The following INPP4B variants were observed in gnomAD, a reference collection of about 807,000 sequenced individuals.
INPP4B encodes the protein inositol polyphosphate 4-phosphatase type II.
In INPP4B, 55 loss-of-function variants were observed where a neutral mutation model predicts 122.5. That is an observed-to-expected ratio of 0.45 (90% CI 0.36 to 0.56). INPP4B has a LOEUF of 0.56. Ranked by LOEUF, INPP4B falls within the 20% of genes least tolerant of loss-of-function variation. The pLI is 0.00. For synonymous variants in INPP4B, 403 were observed against 388.7 expected (o/e 1.04, Z -0.43); for missense variants, 1,000 against 1,097.7 (o/e 0.91, Z 1.26).
intron 7 of INPP4B, among the ~76,000 whole-genome samples, chr4:142,343,412 G>T (rs1181351592): frequency 6.6e-6 from 1 of 151,576 alleles, no homozygotes; most frequent in Non-Finnish European, 1.5e-5. Flanking sequence ...TAGATATAGG[G>T]CATTTATCTA....
intron 11 of INPP4B, among the ~76,000 whole-genome samples, chr4:142,251,499 G>C (rs546337872): frequency 4.6e-5 from 7 of 152,284 alleles, no homozygotes; most frequent in Admixed American, 3.9e-4. Context: ...TAATAACTCA[G>C]ATGCTTTTAG....
chr4:142,687,889 T>C (rs550960724), intron 2 of INPP4B, among the ~76,000 whole-genome samples: 2 of 152,236 alleles, frequency 1.3e-5, no homozygotes, highest in East Asian at 1.9e-4. Context: ...CCCCCAACAA[T>C]GCTCGTGTGT....
At chr4:142,086,621 C>T (rs969926984) in intron 23 of INPP4B, among the ~76,000 whole-genome samples, 1 of 152,186 alleles carries the variant, frequency 6.6e-6, no homozygotes, top group African/African-American at 2.4e-5. Flanking sequence ...TCCTGAAGTG[C>T]TGGGATTACA....
intron 2 of INPP4B, among the ~76,000 whole-genome samples, chr4:142,535,540 G>A (rs553269796): frequency 6.6e-6 from 1 of 152,094 alleles, no homozygotes; most frequent in Non-Finnish European, 1.5e-5. Context: ...AAAAATAAAT[G>A]CAAGAACACT....
chr4:142,704,861 A>AC (rs1350700304), intron 2 of INPP4B, among the ~76,000 whole-genome samples: 1 of 151,952 alleles, frequency 6.6e-6, no homozygotes, highest in Non-Finnish European at 1.5e-5. Flanking sequence ...TGTACTTTTC[A>AC]CCCCCACCCA....
intron 2 of INPP4B, among the ~76,000 whole-genome samples, chr4:142,703,542 G>C (rs754226171): frequency 3.3e-5 from 5 of 152,054 alleles, no homozygotes; most frequent in Non-Finnish European, 7.4e-5. Context: ...ATGAGTCCAG[G>C]GAGTCCCATT....
At chr4:142,555,845 T>C (rs1020862519) in intron 2 of INPP4B, among the ~76,000 whole-genome samples, 5 of 137,544 alleles carry the variant, frequency 3.6e-5, no homozygotes, top group African/African-American at 1.4e-4. Context: ...CACTCCAGCC[T>C]GGGCAACAGA....
At chr4:142,563,609 T>C (rs1730928490) in intron 2 of INPP4B, among the ~76,000 whole-genome samples, 1 of 152,182 alleles carries the variant, frequency 6.6e-6, no homozygotes, top group Non-Finnish European at 1.5e-5. Flanking sequence ...CATAATACAT[T>C]TGAGTATCTC....
At chr4:142,144,369 T>C (rs563422887) in intron 18 of INPP4B, among the ~76,000 whole-genome samples, 4 of 152,092 alleles carry the variant, frequency 2.6e-5, no homozygotes, top group Admixed American at 2.6e-4. Flanking sequence ...ATCTTATTTC[T>C]GCTAAAAAAT....
intron 12 of INPP4B, among the ~76,000 whole-genome samples, chr4:142,231,648 T>C (rs1481224749): frequency 1.3e-5 from 2 of 152,126 alleles, no homozygotes; most frequent in Non-Finnish European, 2.9e-5. Flanking sequence ...ATCTGTGAGG[T>C]GAAAAAATTG....
At chr4:142,042,527 T>C (rs1748497062) in intron 25 of INPP4B, among the ~76,000 whole-genome samples, 1 of 23,582 alleles carries the variant, frequency 4.2e-5, no homozygotes, top group Non-Finnish European at 1.9e-4. Flanking sequence ...TGTATGTATG[T>C]ATGTATGTAT....
intron 5 of INPP4B, among the ~76,000 whole-genome samples, chr4:142,411,426 G>C (rs1804565068): frequency 6.6e-6 from 1 of 152,150 alleles, no homozygotes. Flanking sequence ...GTTACAGCTA[G>C]AGCCCAATAT....
intron 2 of INPP4B, among the ~76,000 whole-genome samples, chr4:142,614,938 T>C (rs1743377821): frequency 6.6e-6 from 1 of 152,166 alleles, no homozygotes; most frequent in Non-Finnish European, 1.5e-5. Flanking sequence ...TATAGACTAT[T>C]GGTGGAAATC....
At position 142,720,772 on chromosome 4, in the gene INPP4B, T is replaced by TATA. The variant is rs1560996515; in HGVS notation, c.-191+5066_-191+5067insTAT. Among the ~76,000 whole-genome samples, 63 of 10,690 alleles carry TATA rather than the reference T, an allele frequency of 5.9e-3. 1 individual carries two copies. The highest frequency in any genetic ancestry group is 0.015 in the African/African-American group (42 of 2,734). 7.0% of individuals were successfully genotyped at this position (10,690 alleles called of 152,430 possible). A position where few individuals can be genotyped will look rare whatever the true frequency, so the allele number is the denominator to read the frequency against. ...TACATATATATATAATCTCTCTCTC[T>TATA]CTCTCTCTCTCTCTCTCTCTCTCTC... is the stretch of plus-strand genomic sequence containing the variant. On this transcript the variant is annotated intron_variant, in intron 2 of 25. Transcript: ENST00000262992.
chr4:142,475,189 C>T (rs886824360), intron 2 of INPP4B, among the ~76,000 whole-genome samples: 1 of 152,066 alleles, frequency 6.6e-6, no homozygotes, highest in Admixed American at 6.6e-5. Flanking sequence ...GGGACACCTC[C>T]AAGACCCAGG....
chr4:142,174,289 C>G (rs1469410675), intron 15 of INPP4B, among the ~76,000 whole-genome samples: 2 of 152,216 alleles, frequency 1.3e-5, no homozygotes, highest in East Asian at 3.9e-4. Flanking sequence ...GAATAATCAT[C>G]TAAACCATTC....
At chr4:142,314,379 C>T (rs369481467) in intron 8 of INPP4B, among the ~76,000 whole-genome samples, 167 of 152,192 alleles carry the variant, frequency 1.1e-3, no homozygotes, top group Non-Finnish European at 1.5e-3. Flanking sequence ...CTTCCTGAAG[C>T]GGTAGAGATC....
intron 2 of INPP4B, among the ~76,000 whole-genome samples, chr4:142,606,794 A>G (rs1208235746): frequency 6.6e-6 from 1 of 152,008 alleles, no homozygotes; most frequent in Non-Finnish European, 1.5e-5. Flanking sequence ...TCAAGTAAGA[A>G]TCACTGCAAA....
At chr4:142,209,436 C>A (rs1277602085) in intron 12 of INPP4B, among the ~76,000 whole-genome samples, 2 of 152,022 alleles carry the variant, frequency 1.3e-5, no homozygotes, top group Non-Finnish European at 2.9e-5. Context: ...ATGTTGGAAG[C>A]AAACATGAGA....
Sources: allele counts gnomAD v4.1 joint callset (sites outside exome capture counted in the v4.1 genomes callset), GRCh38; gene constraint gnomAD v4.1.1; transcripts MANE v1.5; gene names NCBI Gene and HGNC (gene_info 2026-07-23, HGNC 2026-07-21).